The following LDLRAD4 variants were observed in gnomAD, a reference collection of about 807,000 sequenced individuals.
LDLRAD4 encodes the protein low density lipoprotein receptor class A domain containing 4.
Under a neutral mutation model 17.0 loss-of-function variants are expected in LDLRAD4, and 5 were observed. The observed-to-expected ratio is 0.29, with a 90% confidence interval of 0.15 to 0.62. LDLRAD4 has a LOEUF of 0.62. Ranked by LOEUF, LDLRAD4 falls within the 20% of genes least tolerant of loss-of-function variation. The pLI is 0.84. For missense variants in LDLRAD4, 340 were observed against 424.7 expected, an observed-to-expected ratio of 0.80 and a Z score of 1.75; for synonymous variants, 168 against 171.8, an observed-to-expected ratio of 0.98 and a Z score of 0.17.
intron 3 of LDLRAD4, among the ~76,000 whole-genome samples, chr18:13,565,377 G>T (rs1270103600): frequency 1.4e-5 from 2 of 144,758 alleles, no homozygotes; most frequent in Non-Finnish European, 3.1e-5. Context: ...CGTTGCCAGC[G>T]CCAAGCTGGG....
chr18:13,450,450 A>G (rs2091760404), intron 3 of LDLRAD4, among the ~76,000 whole-genome samples: 1 of 152,128 alleles, frequency 6.6e-6, no homozygotes, highest in Non-Finnish European at 1.5e-5. Flanking sequence ...TAGAGAAAAC[A>G]TGTTTGGGGT....
intron 1 of LDLRAD4, among the ~76,000 whole-genome samples, chr18:13,262,029 T>C (rs62097314): frequency 5.7e-3 from 493 of 85,826 alleles, no homozygotes; most frequent in Admixed American, 0.012. Context: ...GAGTCCCGTG[T>C]GGCTCTGTGC....
chr18:13,304,460 A>G (rs1326734846), intron 1 of LDLRAD4, among the ~76,000 whole-genome samples: 1 of 152,108 alleles, frequency 6.6e-6, no homozygotes, highest in Non-Finnish European at 1.5e-5. Flanking sequence ...CTTGGTCAGA[A>G]TGGTCTCGTG....
At chr18:13,439,551 G>T (rs950841844) in intron 3 of LDLRAD4, among the ~76,000 whole-genome samples, 2 of 152,182 alleles carry the variant, frequency 1.3e-5, no homozygotes, top group Admixed American at 6.5e-5. Flanking sequence ...GGCTGGGCGC[G>T]TGCTTGCCTG....
intron 1 of LDLRAD4, among the ~76,000 whole-genome samples, chr18:13,330,663 A>G (rs910361877): frequency 5.9e-5 from 9 of 152,212 alleles, no homozygotes; most frequent in Admixed American, 3.9e-4. Context: ...ATACAACTCT[A>G]AAAATCCTTA....
chr18:13,642,893 TTTTGTTTG>T (rs370401857), intron 4 of LDLRAD4: 6,925 of 464,918 alleles, frequency 0.015, 152 homozygotes, highest in African/African-American at 0.07. Context: ...GCTCCACGTT[TTTTGTTTG>T]TTTGTTTGTT....
At chr18:13,378,883 C>T (rs1031658086) in intron 1 of LDLRAD4, among the ~76,000 whole-genome samples, 8 of 152,190 alleles carry the variant, frequency 5.3e-5, no homozygotes, top group African/African-American at 1.2e-4. Context: ...ATGAATCTGA[C>T]GTTGTATCAG....
chr18:13,489,863 TG>T (rs2093322449), intron 3 of LDLRAD4: 3 of 152,132 alleles, frequency 2.0e-5, no homozygotes, highest in African/African-American at 7.2e-5. Flanking sequence ...TAAAGGGACA[TG>T]GGTTAGAAGA....
At chr18:13,335,004 A>G (rs2143852998) in intron 1 of LDLRAD4, among the ~76,000 whole-genome samples, 2 of 151,898 alleles carry the variant, frequency 1.3e-5, no homozygotes, top group South Asian at 4.2e-4. Context: ...CACATTTTAT[A>G]TTTTCTGTCT....
chr18:13,646,320 A>G (rs1218787381), exon 6 of LDLRAD4: 2 of 152,656 alleles, frequency 1.3e-5, no homozygotes, highest in African/African-American at 4.8e-5. Context: ...TGTGGATTGT[A>G]ATCAGGCCCA....
At chr18:13,390,008 A>C (rs1214907787) in intron 2 of LDLRAD4, among the ~76,000 whole-genome samples, 1 of 152,144 alleles carries the variant, frequency 6.6e-6, no homozygotes, top group African/African-American at 2.4e-5. Context: ...TAATTTATGA[A>C]TAAAAGCTTT....
At chr18:13,303,706 C>G (rs1363770370) in intron 1 of LDLRAD4, among the ~76,000 whole-genome samples, 1 of 152,276 alleles carries the variant, frequency 6.6e-6, no homozygotes, top group Non-Finnish European at 1.5e-5. Context: ...AATCCCCCTC[C>G]TCCTCACTCC....
chr18:13,595,242 C>T (rs2095080727), intron 3 of LDLRAD4, among the ~76,000 whole-genome samples: 1 of 151,746 alleles, frequency 6.6e-6, no homozygotes, highest in Non-Finnish European at 1.5e-5. Context: ...TTTGTTATTT[C>T]CTTCTTTTTT....
intron 2 of LDLRAD4, among the ~76,000 whole-genome samples, chr18:13,407,205 C>T (rs770796403): frequency 2.0e-5 from 3 of 152,150 alleles, no homozygotes; most frequent in Admixed American, 6.5e-5. Flanking sequence ...ATGTCACCTG[C>T]GCGACTCTGG....
chr18:13,222,575 GGCTGGGCGCC>G (rs2041518635), intron 1 of LDLRAD4, among the ~76,000 whole-genome samples: 1 of 152,224 alleles, frequency 6.6e-6, no homozygotes, highest in African/African-American at 2.4e-5. Flanking sequence ...GCCGGCGGCC[GGCTGGGCGCC>G]GCTCATGGGC....
chr18:13,267,763 C>T (rs1387717761), intron 1 of LDLRAD4, among the ~76,000 whole-genome samples: 1 of 152,238 alleles, frequency 6.6e-6, no homozygotes, highest in Non-Finnish European at 1.5e-5. Context: ...AAGGATTGTC[C>T]AGCAGCTTTC....
At chr18:13,311,833 CTTT>C (rs34431463) in intron 1 of LDLRAD4, among the ~76,000 whole-genome samples, 3 of 139,090 alleles carry the variant, frequency 2.2e-5, no homozygotes, top group Admixed American at 7.4e-5. Context: ...AAATCTGAAA[CTTT>C]TTTTTTTTTT....
intron 1 of LDLRAD4, among the ~76,000 whole-genome samples, chr18:13,344,328 A>G (rs2082552480): frequency 6.6e-6 from 1 of 152,216 alleles, no homozygotes; most frequent in Admixed American, 6.5e-5. Flanking sequence ...AGCACCATTT[A>G]TTAAATAGGG....
chr18:13,611,422 T>G, intron 3 of LDLRAD4: 3 of 984,796 alleles, frequency 3.0e-6, no homozygotes, highest in Non-Finnish European at 3.6e-6. Context: ...TGATTTTCTC[T>G]GAAAACTGCG....
Sources: gnomAD v4.1 joint callset for allele counts (sites outside exome capture counted in the v4.1 genomes callset) on GRCh38, gnomAD v4.1.1 for gene constraint, MANE v1.5 for transcripts, NCBI Gene and HGNC (gene_info 2026-07-23, HGNC 2026-07-21) for gene names.